CSAD: variants seen among roughly 807,000 people sequenced by gnomAD.
CSAD encodes cysteine sulfinic acid decarboxylase.
CSAD carries 47 observed loss-of-function variants against 61.5 expected under a neutral mutation model. The ratio of observed to expected loss-of-function variants is 0.76; its 90% CI spans 0.60 to 0.97. The LOEUF (loss-of-function observed/expected upper bound fraction) is 0.97. Among genes scored for constraint, CSAD ranks in the 50% least tolerant of loss-of-function variants. The pLI is 0.00. For missense variants in CSAD, 611 were observed against 643.6 expected (o/e 0.95, Z 0.55); for synonymous variants, 245 against 252.7 (o/e 0.97, Z 0.29).
rs1471850080 is a variant in CSAD at position 53,180,759 on chromosome 12, G to A, written c.-118C>T. 2 of 1,268,680 alleles carry A rather than the reference G, an allele frequency of 1.6e-6. No individual in the cohort carries two copies. The highest frequency in any genetic ancestry group is 1.6e-5 in the African/African-American group (1 of 63,500). The allele number at this position is 1,268,680 out of a possible 1,614,324, so 78.6% of individuals were successfully genotyped here. A position where few individuals can be genotyped will look rare whatever the true frequency, so the allele number is the denominator to read the frequency against. On this transcript the variant is annotated 5_prime_UTR_variant, in exon 1 of 17. Transcript: ENST00000444623. ...CGGTCCCGGTGGGGGCAGCCGCGGC[G>A]GTGGGGTTGGCAGGGTGTGCTGGGG...
At chr12:53,162,181 G>A (rs577129512) in intron 10 of CSAD, among the ~76,000 whole-genome samples, 31 of 152,078 alleles carry the variant, frequency 2.0e-4, no homozygotes, top group Admixed American at 1.1e-3. Context: ...GCAGAGGCAT[G>A]AGAATCGCTT....
intron 10 of CSAD, among the ~76,000 whole-genome samples, chr12:53,163,245 C>CA (rs1328721414): frequency 2.0e-5 from 3 of 151,466 alleles, no homozygotes; most frequent in East Asian, 1.9e-4. Flanking sequence ...CAAAAACAAA[C>CA]AAAAAAAATC....
intron 2 of CSAD, among the ~76,000 whole-genome samples, chr12:53,176,050 T>C (rs1327226987): frequency 6.6e-6 from 1 of 150,996 alleles, no homozygotes; most frequent in Middle Eastern, 3.2e-3. Context: ...TGACAAAAAT[T>C]AACTGCAGCT....
intron 2 of CSAD, 87 bp from the exon 3 acceptor site, chr12:53,173,857 G>T: frequency 7.4e-7 from 1 of 1,355,604 alleles, no homozygotes. Context: ...CAAAGTTGTT[G>T]CAACCATCAT....
In CSAD at chr12:53,180,813, G is replaced by A. The variant is rs1479845324; in HGVS notation, c.-172C>T. The A allele has an allele frequency of 1.6e-6, 2 of 1,271,912 alleles. No homozygotes were observed. The highest frequency in any genetic ancestry group is 1.6e-5 in the African/African-American group (1 of 63,286). The allele number at this position is 1,271,912 out of a possible 1,614,324, so 78.8% of individuals were successfully genotyped here. On this transcript the variant is annotated 5_prime_UTR_variant, in exon 1 of 17. Transcript: ENST00000444623. The stretch of plus-strand genomic sequence containing the variant: ...GGAGGAGGCGCCGCGCGGCCAGGGA[G>A]CCAGCGGGAGGCCGCGCCTGGCAGG...
chr12:53,160,537 A>C (rs1939160332), intron 13 of CSAD, among the ~76,000 whole-genome samples: 1 of 151,804 alleles, frequency 6.6e-6, no homozygotes, highest in Non-Finnish European at 1.5e-5. Context: ...CAAGCTAGAA[A>C]CTCCAGGATA....
chr12:53,171,988 C>T lies in CSAD; in HGVS notation c.345G>A (p.Gln115=). 1.2e-6 allele frequency: 2 copies of T among 1,611,476 alleles called. No individual in the cohort carries two copies. Among genetic ancestry groups the T allele is most frequent in the Non-Finnish European group, 1.7e-6 (2 of 1,177,734 alleles). ...ACACGGGGGCGATTTCATATGTGTA[C>T]CTGCCAGGAGAGAGAACGACGAGAA... The part of the protein sequence containing the change: ...RIITESLNTS[Q]YTYEIAPVFV... Residue 115 remains glutamine (Q), a splice_region_variant and synonymous_variant, in exon 7 of 17, where the codon CAG becomes CAA. Transcript: ENST00000444623.
At chr12:53,169,545 C>T (rs937540070) in intron 10 of CSAD, among the ~76,000 whole-genome samples, 1 of 151,642 alleles carries the variant, frequency 6.6e-6, no homozygotes, top group Non-Finnish European at 1.5e-5. Flanking sequence ...TGAGATCACA[C>T]CACTGCACTC....
intron 6 of CSAD, 104 bp from the exon 7 acceptor site, chr12:53,172,092 C>A (rs1940652398): frequency 3.7e-6 from 3 of 816,338 alleles, no homozygotes; most frequent in East Asian, 5.2e-5. Flanking sequence ...GAAGAGTGAG[C>A]AAAGCAACAG....
At chr12:53,180,706 G>A (rs3108403) in intron 1 of CSAD, 26 bp downstream of exon 1, 167,070 of 1,269,834 alleles carry the variant, frequency 0.13, 11,247 homozygotes, top group Admixed American at 0.17. Context: ...GGGGAAACGG[G>A]CCGGGGTTGG....
intron 4 of CSAD, 133 bp from the exon 5 acceptor site, chr12:53,172,781 G>GA: frequency 9.6e-7 from 1 of 1,040,322 alleles, no homozygotes. Flanking sequence ...GCAAAACTCT[G>GA]AAAATGAACA....
chr12:53,173,816 T>G, intron 2 of CSAD, 46 bp from the exon 3 acceptor site: 1 of 1,596,114 alleles, frequency 6.3e-7, no homozygotes, highest in African/African-American at 1.3e-5. Context: ...GGGTGAAAAG[T>G]GTACAATTAA....
intron 6 of CSAD, 70 bp from the exon 7 acceptor site, chr12:53,172,058 CAGGAGTCACAAAA>C: frequency 9.1e-7 from 1 of 1,093,206 alleles, no homozygotes; most frequent in Non-Finnish European, 1.4e-6. Context: ...TTAAACTGCA[CAGGAGTCACAAAA>C]AGGAGGCAGT....
intron 2 of CSAD, chr12:53,173,976 C>G (rs1459738686): frequency 5.1e-6 from 3 of 585,858 alleles, no homozygotes; most frequent in Non-Finnish European, 9.1e-6. Flanking sequence ...TACTTTGTTT[C>G]TGTAGATTTG....
At chr12:53,165,990 G>A (rs1027106504) in intron 10 of CSAD, among the ~76,000 whole-genome samples, 36 of 152,174 alleles carry the variant, frequency 2.4e-4, no homozygotes, top group Non-Finnish European at 1.0e-4. Context: ...ATGCTACGAC[G>A]TGGATGAACC....
At chr12:53,171,102 A>G in intron 8 of CSAD, 1 of 688,072 alleles carries the variant, frequency 1.5e-6, no homozygotes, top group Non-Finnish European at 2.6e-6. Context: ...AAGAGTATGG[A>G]CTGTGTCCAC....
At chr12:53,173,692 A>G in intron 3 of CSAD, 36 bp downstream of exon 3, 1 of 1,505,938 alleles carries the variant, frequency 6.6e-7, no homozygotes, top group Admixed American at 1.7e-5. Context: ...AGTGGACTCT[A>G]GTGGCCATTT....
intron 8 of CSAD, 165 bp downstream of exon 8, chr12:53,171,161 G>C (rs771592634): frequency 1.0e-6 from 1 of 997,868 alleles, no homozygotes; most frequent in Non-Finnish European, 1.5e-6. Flanking sequence ...AATGTGAACA[G>C]GAGCAGTTAC....
chr12:53,169,199 G>T (rs1347018691), intron 10 of CSAD, among the ~76,000 whole-genome samples: 1 of 150,664 alleles, frequency 6.6e-6, no homozygotes, highest in Non-Finnish European at 1.5e-5. Flanking sequence ...AAAAAAAATG[G>T]CCGGGTGCAA....
Sources: allele counts gnomAD v4.1 joint callset (sites outside exome capture counted in the v4.1 genomes callset), GRCh38; gene constraint gnomAD v4.1.1; transcripts MANE v1.5; gene names NCBI Gene and HGNC (gene_info 2026-07-23, HGNC 2026-07-21).